Variants in PTPRD observed in about 807,000 individuals in gnomAD.
PTPRD encodes the protein receptor-type tyrosine-protein phosphatase delta.
A neutral mutation model predicts 214.5 loss-of-function variants in PTPRD; 34 were observed. The observed-to-expected ratio is 0.16, with a 90% CI of 0.12 to 0.21. The LOEUF (loss-of-function observed/expected upper bound fraction) is 0.21. PTPRD is among the 10% of genes least tolerant of loss of function. The pLI, the probability that PTPRD is intolerant of heterozygous loss-of-function variation, is 1.00. For synonymous variants in PTPRD, 1,128 were observed against 845.7 expected (o/e 1.33, Z -5.79); for missense variants, 2,545 against 2,398.7 (o/e 1.06, Z -1.27).
chr9:10,265,482 A>G (rs1156395723), intron 3 of PTPRD, among the ~76,000 whole-genome samples: 1 of 152,206 alleles, frequency 6.6e-6, no homozygotes, highest in Admixed American at 6.5e-5. Flanking sequence ...TGCTGACAGA[A>G]TTATGAGCTA....
At chr9:8,407,472 G>A (rs1266154901) in intron 35 of PTPRD, among the ~76,000 whole-genome samples, 1 of 152,154 alleles carries the variant, frequency 6.6e-6, no homozygotes, top group Non-Finnish European at 1.5e-5. Context: ...CCAGGTCTGT[G>A]TGATTCCAAA....
intron 8 of PTPRD, among the ~76,000 whole-genome samples, chr9:9,427,439 G>A (rs2081375660): frequency 6.6e-6 from 1 of 152,160 alleles, no homozygotes; most frequent in African/African-American, 2.4e-5. Flanking sequence ...ACGTCTGATT[G>A]GTGTACGTAA....
intron 2 of PTPRD, among the ~76,000 whole-genome samples, chr9:10,513,724 A>G (rs967069100): frequency 2.6e-5 from 4 of 152,142 alleles, no homozygotes; most frequent in African/African-American, 9.7e-5. Flanking sequence ...CCAAGTCTCT[A>G]TCTCACTGTG....
chr9:10,038,292 C>T (rs899535222), intron 3 of PTPRD, among the ~76,000 whole-genome samples: 2 of 152,074 alleles, frequency 1.3e-5, no homozygotes, highest in Non-Finnish European at 2.9e-5. Flanking sequence ...TGGCCTAATA[C>T]AAAGCCATAG....
chr9:8,768,170 G>A (rs1228722819), intron 11 of PTPRD, among the ~76,000 whole-genome samples: 2 of 152,216 alleles, frequency 1.3e-5, no homozygotes, highest in Admixed American at 6.5e-5. Context: ...CAAGGCAGGA[G>A]GCTTGCTTGA....
chr9:9,614,296 C>T (rs972898158), intron 7 of PTPRD, among the ~76,000 whole-genome samples: 3 of 152,210 alleles, frequency 2.0e-5, no homozygotes, highest in Non-Finnish European at 2.9e-5. Flanking sequence ...AAGCAATTCT[C>T]AGCAGTTCAA....
chr9:9,614,911 T>C (rs775336189), intron 7 of PTPRD, among the ~76,000 whole-genome samples: 1 of 152,080 alleles, frequency 6.6e-6, no homozygotes, highest in African/African-American at 2.4e-5. Context: ...CACCCTTCAA[T>C]ATAATAATCA....
In PTPRD at chr9:8,933,339, G is replaced by GTTTTTT. The variant is rs1567089304; in HGVS notation, c.-104+85357_-104+85358insAAAAAA. ...GCCATCTTGCCAGCCACAACCTTGA[G>GTTTTTT]GTTTTTTTTTTTTTTTTTTTTTTTA... On this transcript the variant is annotated intron_variant, in intron 11 of 45. Transcript: ENST00000381196. Among the ~76,000 whole-genome samples, 15 of 68,804 alleles carry GTTTTTT rather than the reference G, an allele frequency of 2.2e-4. 1 individual carries two copies. Among genetic ancestry groups the GTTTTTT allele is most frequent in the African/African-American group, 7.0e-4 (7 of 9,946 alleles). The allele number at this position is 68,804 out of a possible 152,430, so 45.1% of individuals were successfully genotyped here. A position where few individuals can be genotyped will look rare whatever the true frequency, so the allele number is the denominator to read the frequency against.
At chr9:8,789,569 TTTAAATTCC>T (rs1341991833) in intron 11 of PTPRD, among the ~76,000 whole-genome samples, 14 of 152,336 alleles carry the variant, frequency 9.2e-5, no homozygotes, top group Non-Finnish European at 2.1e-4. Flanking sequence ...CTAGTTCAAG[TTTAAATTCC>T]GTTATTGGCA....
intron 2 of PTPRD, among the ~76,000 whole-genome samples, chr9:10,452,160 C>G (rs1217955586): frequency 1.3e-5 from 2 of 151,900 alleles, no homozygotes; most frequent in Non-Finnish European, 2.9e-5. Flanking sequence ...TAGAAGAATA[C>G]ACAAAGAAAG....
intron 9 of PTPRD, among the ~76,000 whole-genome samples, chr9:9,275,833 ATGTGTGTGTG>A (rs71500979): frequency 1.4e-5 from 2 of 143,192 alleles, no homozygotes; most frequent in South Asian, 2.2e-4. Flanking sequence ...GTGTGTGTGT[ATGTGTGTGTG>A]TGTGTGTGTG....
chr9:10,470,493 A>G (rs1588921834), intron 2 of PTPRD, among the ~76,000 whole-genome samples: 1 of 152,192 alleles, frequency 6.6e-6, no homozygotes, highest in African/African-American at 2.4e-5. Flanking sequence ...AATGTATATT[A>G]TGTAATGAAA....
intron 3 of PTPRD, among the ~76,000 whole-genome samples, chr9:10,298,860 G>C (rs952605334): frequency 6.6e-6 from 1 of 151,968 alleles, no homozygotes; most frequent in African/African-American, 2.4e-5. Flanking sequence ...ACTGAAAATA[G>C]AGACCAGCTG....
intron 8 of PTPRD, among the ~76,000 whole-genome samples, chr9:9,409,654 G>C (rs1254747503): frequency 6.6e-6 from 1 of 151,940 alleles, no homozygotes; most frequent in East Asian, 1.9e-4. Flanking sequence ...CCCACCATAA[G>C]GGAGAATCAG....
intron 30 of PTPRD, among the ~76,000 whole-genome samples, 160 bp downstream of exon 30, chr9:8,483,959 C>A (rs527921881): frequency 1.3e-5 from 2 of 152,164 alleles, no homozygotes; most frequent in Admixed American, 1.3e-4. Context: ...TACTAGGACA[C>A]GTTGTAAAAG....
At chr9:10,082,864 C>CACACA (rs2098266996) in intron 3 of PTPRD, among the ~76,000 whole-genome samples, 8 of 148,960 alleles carry the variant, frequency 5.4e-5, no homozygotes, top group Non-Finnish European at 8.9e-5. Context: ...CACACACACA[C>CACACA]CCTAGATTTA....
intron 9 of PTPRD, among the ~76,000 whole-genome samples, chr9:9,247,577 C>A (rs1594501035): frequency 1.3e-5 from 2 of 151,948 alleles, no homozygotes; most frequent in African/African-American, 4.8e-5. Flanking sequence ...AATTTCTTTT[C>A]TTCTATATAG....
chr9:9,786,744 C>A (rs544935635), intron 5 of PTPRD, among the ~76,000 whole-genome samples: 2 of 152,226 alleles, frequency 1.3e-5, no homozygotes, highest in East Asian at 3.9e-4. Flanking sequence ...GCATGTTGTG[C>A]ACATGTACCC....
rs1015655739 is a variant in PTPRD, at chr9:10,105,315, T to C, written c.-544-71525A>G. 5.3e-5 allele frequency among the ~76,000 whole-genome samples: 8 copies of C among 152,006 alleles called. No homozygotes were observed. The East Asian group carries it at 1.4e-3, about 26-fold the overall frequency. ...TTAATATCTATTATTGAAGTAATTG[T>C]CTAACCACCTAGTTCCTTTTATGGT... On this transcript the variant is annotated intron_variant, in intron 3 of 45. Transcript: ENST00000381196.
Sources: gnomAD v4.1 joint callset for allele counts (sites outside exome capture counted in the v4.1 genomes callset) on GRCh38, gnomAD v4.1.1 for gene constraint, MANE v1.5 for transcripts, NCBI Gene and HGNC (gene_info 2026-07-23, HGNC 2026-07-21) for gene names.